EBF1: variants seen among roughly 807,000 people sequenced by gnomAD.
The protein encoded by EBF1 is EBF transcription factor 1, also known as transcription factor COE1.
EBF1 carries 10 observed loss-of-function variants against 68.4 expected under a neutral mutation model. That is an observed-to-expected ratio of 0.15 (90% confidence interval 0.09 to 0.25). EBF1 has a LOEUF of 0.25. EBF1 is among the 10% of genes least tolerant of loss of function. EBF1 has a pLI of 1.00. For synonymous variants in EBF1, 298 were observed against 299.8 expected (o/e 0.99, Z 0.06); for missense variants, 509 against 794.4 (o/e 0.64, Z 4.32).
intron 6 of EBF1, among the ~76,000 whole-genome samples, chr5:158,921,570 C>T (rs1041041015): frequency 2.0e-5 from 3 of 152,184 alleles, no homozygotes; most frequent in African/African-American, 7.2e-5. Flanking sequence ...ACAAATGAGT[C>T]ATTTGTATCA....
At chr5:158,996,302 T>A (rs1003752535) in intron 6 of EBF1, among the ~76,000 whole-genome samples, 1 of 152,240 alleles carries the variant, frequency 6.6e-6, no homozygotes, top group African/African-American at 2.4e-5. Flanking sequence ...AAGCATGTAA[T>A]GTCTTAATAT....
chr5:159,092,060 A>C (rs998062874), intron 4 of EBF1, among the ~76,000 whole-genome samples: 9 of 152,214 alleles, frequency 5.9e-5, no homozygotes, highest in African/African-American at 2.2e-4. Flanking sequence ...TATATAACTC[A>C]CTATAGCAAT....
rs146540368 is a variant in EBF1 at position 158,836,233 on chromosome 5, G to A, written c.636+3796C>T. Among the ~76,000 whole-genome samples, 764 of 152,260 alleles carry A rather than the reference G, an allele frequency of 5.0e-3. 4 individuals are homozygous for A. Among genetic ancestry groups the A allele is most frequent in the South Asian group, 0.02 (95 of 4,820 alleles). On this transcript the variant is annotated intron_variant, in intron 7 of 15. Transcript: ENST00000313708. The stretch of plus-strand genomic sequence containing the variant: ...AGTTAGATCTAAACCTGGGTGTCAG[G>A]TCTCAGAGATTCTGATACCAGAGTT...
intron 6 of EBF1, among the ~76,000 whole-genome samples, chr5:159,046,992 A>G (rs1772548331): frequency 6.6e-6 from 1 of 152,224 alleles, no homozygotes; most frequent in African/African-American, 2.4e-5. Context: ...CACAAGCTAC[A>G]TTGCTTTTCA....
chr5:158,775,779 C>CACAG (rs1427273670), intron 10 of EBF1, among the ~76,000 whole-genome samples: 2 of 112,348 alleles, frequency 1.8e-5, no homozygotes, highest in African/African-American at 7.0e-5. Flanking sequence ...CACACATGCA[C>CACAG]ACAGACACAC....
intron 6 of EBF1, among the ~76,000 whole-genome samples, chr5:158,876,897 G>A (rs527803883): frequency 6.6e-6 from 1 of 151,930 alleles, no homozygotes; most frequent in Admixed American, 6.7e-5. Flanking sequence ...GTAACATTTA[G>A]AGGTCTTTTT....
intron 6 of EBF1, among the ~76,000 whole-genome samples, chr5:158,906,186 G>C (rs1348659669): frequency 1.3e-5 from 2 of 151,420 alleles, no homozygotes; most frequent in Non-Finnish European, 2.9e-5. Context: ...GCCAGTATGA[G>C]TGTTGTCTTG....
At chr5:159,018,362 C>A (rs997261949) in intron 6 of EBF1, among the ~76,000 whole-genome samples, 1 of 152,210 alleles carries the variant, frequency 6.6e-6, no homozygotes, top group Non-Finnish European at 1.5e-5. Context: ...AAAATCTTTG[C>A]AAATCCCTGA....
chr5:158,704,619 TC>T, intron 15 of EBF1, among the ~76,000 whole-genome samples: 1 of 151,602 alleles, frequency 6.6e-6, no homozygotes, highest in East Asian at 1.9e-4. Flanking sequence ...CCTGCCTTCA[TC>T]CTTTTTTTCT....
At chr5:158,936,638 T>G (rs1420249391) in intron 6 of EBF1, among the ~76,000 whole-genome samples, 2 of 152,192 alleles carry the variant, frequency 1.3e-5, no homozygotes, top group African/African-American at 2.4e-5. Flanking sequence ...TGCAAGTCAC[T>G]CCTATTTCAT....
intron 6 of EBF1, among the ~76,000 whole-genome samples, chr5:158,979,323 CAAAT>C (rs1326971362): frequency 2.6e-5 from 4 of 152,020 alleles, no homozygotes; most frequent in Admixed American, 1.3e-4. Context: ...AAAAATAAAA[CAAAT>C]AAACAAAATC....
chr5:158,703,265 C>T (rs2127464227), intron 15 of EBF1, among the ~76,000 whole-genome samples: 1 of 152,288 alleles, frequency 6.6e-6, no homozygotes, highest in South Asian at 2.1e-4. Context: ...AGTCTGGGAC[C>T]AGGATTTATC....
chr5:158,719,532 G>A (rs1173336570), intron 11 of EBF1, among the ~76,000 whole-genome samples: 1 of 152,084 alleles, frequency 6.6e-6, no homozygotes, highest in Admixed American at 6.6e-5. Context: ...TTTAGCCTTT[G>A]ACCTGAAATC....
rs138769602 is a variant in EBF1 at position 158,805,731 on chromosome 5, T to C, written c.779-9256A>G. Among the ~76,000 whole-genome samples the C allele has an allele frequency of 3.1e-3, 475 of 152,156 alleles. 7 individuals are homozygous for C. In the East Asian group the frequency reaches 0.049, roughly 16 times the overall value. ...TGTAATAGGAGTTTACGTTGATGTT[T>C]GCCCACAAAGATAAAAAAGATATGG... On this transcript the variant is annotated intron_variant, in intron 8 of 15. Coordinates refer to ENST00000313708, the MANE Select transcript of EBF1 (RefSeq NM_024007.5).
chr5:158,702,065 A>G (rs1049197193), intron 15 of EBF1, among the ~76,000 whole-genome samples: 1 of 152,160 alleles, frequency 6.6e-6, no homozygotes, highest in African/African-American at 2.4e-5. Context: ...ACTGTTCTCT[A>G]AATCCCAATC....
intron 3 of EBF1, 100 bp from the exon 4 acceptor site, chr5:159,095,775 C>A: frequency 1.6e-6 from 2 of 1,265,658 alleles, no homozygotes; most frequent in Non-Finnish European, 2.3e-6. Context: ...ACAAAACCCC[C>A]ACACACATAT....
chr5:159,076,215 T>C (rs1027408382), intron 5 of EBF1, among the ~76,000 whole-genome samples: 21 of 152,032 alleles, frequency 1.4e-4, no homozygotes, highest in African/African-American at 4.8e-4. Flanking sequence ...AGGCCTGGGG[T>C]AGAATAGAAA....
At chr5:158,765,506 G>A (rs1375845645) in intron 10 of EBF1, among the ~76,000 whole-genome samples, 3 of 152,092 alleles carry the variant, frequency 2.0e-5, no homozygotes, top group Non-Finnish European at 4.4e-5. Context: ...GGTGCTTCCT[G>A]CAGCTAACCA....
intron 6 of EBF1, among the ~76,000 whole-genome samples, chr5:158,947,947 C>T (rs780322842): frequency 6.6e-6 from 1 of 152,166 alleles, no homozygotes; most frequent in Admixed American, 6.5e-5. Context: ...CACTAGTTCT[C>T]TTGGTATTTA....
Sources: allele counts gnomAD v4.1 joint callset (sites outside exome capture counted in the v4.1 genomes callset), GRCh38; gene constraint gnomAD v4.1.1; transcripts MANE v1.5; gene names NCBI Gene and HGNC (gene_info 2026-07-23, HGNC 2026-07-21).